The following PTPRN2 variants were observed in gnomAD, a reference collection of about 807,000 sequenced individuals.
The protein encoded by PTPRN2 is protein tyrosine phosphatase receptor type N2, also known as receptor-type tyrosine-protein phosphatase N2.
PTPRN2 carries 74 observed loss-of-function variants against 118.8 expected under a neutral mutation model. The ratio of observed to expected loss-of-function variants is 0.62; its 90% CI spans 0.52 to 0.76. The LOEUF is 0.76. Ranked by LOEUF, PTPRN2 falls within the 30% of genes least tolerant of loss-of-function variation. PTPRN2 has a pLI of 0.00. For missense variants in PTPRN2, 1,481 were observed against 1,394.4 expected (o/e 1.06, Z -0.99); for synonymous variants, 641 against 608.0 (o/e 1.05, Z -0.80).
rs150392950 is a variant in PTPRN2 at position 158,095,475 on chromosome 7, T to C, written c.1644-14098A>G. Reference sequence around the variant, plus strand: ...GGCATTTAATTCTACAACTCTGATGTAGACATTATCGTCTCTACTCCATGG... The same window carrying C: ...GGCATTTAATTCTACAACTCTGATGCAGACATTATCGTCTCTACTCCATGG... On this transcript the variant is annotated intron_variant, in intron 10 of 22. Transcript: ENST00000389418. 3.3e-5 allele frequency among the ~76,000 whole-genome samples: 5 copies of C among 152,254 alleles called. No homozygotes were observed. In the East Asian group the frequency reaches 9.7e-4, roughly 29 times the overall value.
chr7:157,692,311 C>T (rs1193342120), intron 12 of PTPRN2, among the ~76,000 whole-genome samples: 4 of 152,196 alleles, frequency 2.6e-5, no homozygotes, highest in Non-Finnish European at 5.9e-5. Flanking sequence ...CCAGGCCAGG[C>T]CCAGGCGGCG....
chr7:158,143,622 A>G (rs1057358916), intron 6 of PTPRN2, among the ~76,000 whole-genome samples: 3 of 152,200 alleles, frequency 2.0e-5, no homozygotes, highest in Non-Finnish European at 4.4e-5. Context: ...CAATGAACAC[A>G]GGCTCGGCTG....
intron 6 of PTPRN2, 45 bp from the exon 7 acceptor site, chr7:158,138,560 T>G: frequency 6.3e-7 from 1 of 1,576,238 alleles, no homozygotes. Flanking sequence ...GGTGGACGAA[T>G]GCAAAGGTGA....
chr7:157,881,859 C>G lies in PTPRN2; in HGVS notation c.1788+16814G>C, dbSNP rs1796149924. ...AATGAAAGTGAAGGTAAAGTTTGTG[C>G]CTGTAAACTACTAAAGAGCTACTAG... is the stretch of plus-strand genomic sequence containing the variant. On this transcript the variant is annotated intron_variant, in intron 12 of 22. Coordinates refer to ENST00000389418, the MANE Select transcript of PTPRN2 (RefSeq NM_002847.5). The surrounding 1 kb of genome is among the most constrained non-coding windows in gnomAD (Gnocchi z 4.7). Among the ~76,000 whole-genome samples, 1 of 152,146 alleles carries G rather than the reference C, an allele frequency of 6.6e-6. No homozygotes were observed. Among genetic ancestry groups the G allele is most frequent in the Non-Finnish European group, 1.5e-5 (1 of 68,024 alleles).
chr7:158,253,905 G>A (rs12672998), intron 3 of PTPRN2, among the ~76,000 whole-genome samples: 4,318 of 108,766 alleles, frequency 0.04, 877 homozygotes, highest in Admixed American at 0.093. Context: ...CCCACGGCAC[G>A]ACCCGCCCTC....
intron 17 of PTPRN2, among the ~76,000 whole-genome samples, chr7:157,594,394 C>CT (rs1801164561): frequency 9.3e-6 from 1 of 107,666 alleles, no homozygotes; most frequent in African/African-American, 4.7e-5. Flanking sequence ...GAGGCCCGGG[C>CT]TTTGGATCAC....
chr7:158,306,980 C>G (rs939570625), intron 3 of PTPRN2, among the ~76,000 whole-genome samples: 1 of 150,984 alleles, frequency 6.6e-6, no homozygotes, highest in East Asian at 2.0e-4. Context: ...GATTCCCCTG[C>G]CTCAGCCTCC....
chr7:157,656,300 G>A (rs1806081867), intron 14 of PTPRN2, 57 bp downstream of exon 14: 2 of 1,476,384 alleles, frequency 1.4e-6, no homozygotes, highest in Admixed American at 4.0e-5. Context: ...TGTTGCAGGG[G>A]CCGAGGAAGG....
intron 2 of PTPRN2, among the ~76,000 whole-genome samples, chr7:158,345,141 G>A (rs1055393248): frequency 3.9e-5 from 6 of 152,158 alleles, no homozygotes; most frequent in South Asian, 2.1e-4. Flanking sequence ...CACAGTCCAC[G>A]TGACTGATGG....
chr7:157,841,616 C>T (rs1281923942), intron 12 of PTPRN2, among the ~76,000 whole-genome samples: 1 of 152,176 alleles, frequency 6.6e-6, no homozygotes, highest in Non-Finnish European at 1.5e-5. Flanking sequence ...CTGGAAGGGC[C>T]CCCACCACGG....
At chr7:157,574,277 G>A (rs374082785) in intron 19 of PTPRN2, 23 of 468,216 alleles carry the variant, frequency 4.9e-5, no homozygotes, top group African/African-American at 4.3e-4. Context: ...CAGCAAGCAA[G>A]GTCAGAGGTC....
chr7:157,669,648 C>T (rs560643001), intron 13 of PTPRN2: 6 of 392,654 alleles, frequency 1.5e-5, no homozygotes, highest in South Asian at 5.4e-5. Context: ...CTTCCCATTT[C>T]GCAAGATGTT....
Position 157,807,756 on chromosome 7 carries a change from C to A in PTPRN2, c.1788+90917G>T, listed in dbSNP as rs77850513. ...ACCGCCCCTGCAAATGCCTGGCCTC[C>A]TGCTGTCCAGCTGCCTTCACTCTGG... On this transcript the variant is annotated intron_variant, in intron 12 of 22. Transcript: ENST00000389418. 9.7e-3 allele frequency among the ~76,000 whole-genome samples: 1,484 copies of A among 152,354 alleles called. 35 individuals are homozygous for A. Among genetic ancestry groups the A allele is most frequent in the African/African-American group, 0.033 (1,383 of 41,580 alleles).
intron 12 of PTPRN2, among the ~76,000 whole-genome samples, chr7:157,778,241 G>A (rs571898751): frequency 2.6e-5 from 4 of 152,374 alleles, no homozygotes; most frequent in South Asian, 2.1e-4. Context: ...ACATGTCCAC[G>A]TGAATGCAGG....
Position 157,708,142 on chromosome 7 carries a change from A to G in PTPRN2, c.1789-25205T>C, listed in dbSNP as rs570989730. Among the ~76,000 whole-genome samples the G allele has an allele frequency of 3.3e-5, 5 of 152,312 alleles. No individual in the cohort carries two copies. In the East Asian group the frequency reaches 7.7e-4, roughly 24 times the overall value. The stretch of plus-strand genomic sequence containing the variant: ...GCCTTCCAGGGCTGAGGCTGGAGAA[A>G]GGTGCTTTGCCTCGGATGGGCACCC... On this transcript the variant is annotated intron_variant, in intron 12 of 22. Transcript: ENST00000389418.
chr7:157,796,989 C>G (rs1025616802), intron 12 of PTPRN2, among the ~76,000 whole-genome samples: 1 of 152,174 alleles, frequency 6.6e-6, no homozygotes, highest in Non-Finnish European at 1.5e-5. Flanking sequence ...TGATCTGCCT[C>G]GAGTTCCGAC....
chr7:158,553,600 A>T (rs1481151628), intron 1 of PTPRN2, among the ~76,000 whole-genome samples: 1 of 151,780 alleles, frequency 6.6e-6, no homozygotes, highest in Non-Finnish European at 1.5e-5. Context: ...CTACACACAG[A>T]GGCTTAGGAG....
chr7:157,927,486 A>G lies in PTPRN2; in HGVS notation c.1724-28749T>C, dbSNP rs112195884. 5.7e-4 allele frequency among the ~76,000 whole-genome samples: 25 copies of G among 44,076 alleles called. 1 individual carries two copies. Among genetic ancestry groups the G allele is most frequent in the African/African-American group, 2.3e-3 (15 of 6,434 alleles). 28.9% of individuals were successfully genotyped at this position (44,076 alleles called of 152,430 possible). A position where few individuals can be genotyped will look rare whatever the true frequency, so the allele number is the denominator to read the frequency against. ...ACCCTTCTGAGAACAGAGACCTCAC[A>G]TCTGCTGGGACCCCGAAGACAGGAA... On this transcript the variant is annotated intron_variant, in intron 11 of 22. Transcript: ENST00000389418.
intron 11 of PTPRN2, among the ~76,000 whole-genome samples, chr7:157,915,248 G>A (rs1488803216): frequency 1.3e-5 from 2 of 152,142 alleles, no homozygotes; most frequent in African/African-American, 4.8e-5. Context: ...ATGAGTAGAA[G>A]GGGAAAGAAA....
Sources: allele counts gnomAD v4.1 joint callset (sites outside exome capture counted in the v4.1 genomes callset), GRCh38; gene constraint gnomAD v4.1.1; non-coding constraint Gnocchi (gnomAD v3.1); transcripts MANE v1.5; gene names NCBI Gene and HGNC (gene_info 2026-07-23, HGNC 2026-07-21).